Variants in KIFC3 observed in about 807,000 individuals in gnomAD.
The protein encoded by KIFC3 is kinesin-like protein KIFC3.
In KIFC3, 60 loss-of-function variants were observed where a neutral mutation model predicts 101.8. That is an observed-to-expected ratio of 0.59 (90% CI 0.48 to 0.73). KIFC3 has a LOEUF of 0.73. Ranked by LOEUF, KIFC3 falls within the 30% of genes least tolerant of loss-of-function variation. The pLI is 0.00. For missense variants in KIFC3, 966 were observed against 1,137.1 expected, an observed-to-expected ratio of 0.85 and a Z score of 2.16; for synonymous variants, 476 against 482.7, an observed-to-expected ratio of 0.99 and a Z score of 0.18.
At chr16:57,802,685 C>T, upstream of KIFC3, 3 of 922,310 alleles carry the variant, frequency 3.3e-6, no homozygotes, top group South Asian at 5.5e-5. This position sits in a 1 kb window ranked among gnomAD's most constrained non-coding sequence, Gnocchi z 5.0. Context: ...CGCGGGGCCT[C>T]CCACTCGGTC....
chr16:57,764,338 T>C (rs782796244), intron 11 of KIFC3, 91 bp from the exon 12 acceptor site: 9 of 721,926 alleles, frequency 1.2e-5, no homozygotes, highest in Non-Finnish European at 2.2e-5. Context: ...CCAACCATGC[T>C]GTCCTTCAGC....
intron 2 of KIFC3, chr16:57,797,834 G>A (rs2054461952): frequency 4.2e-6 from 6 of 1,433,382 alleles, no homozygotes; most frequent in Admixed American, 2.9e-5. Context: ...TGCCCGACCC[G>A]TGTTAAAGTT....
rs1202948015 is a variant in KIFC3 at position 57,775,863 on chromosome 16, G to A, written c.316-3575C>T. On this transcript the variant is annotated intron_variant, in intron 3 of 19. Coordinates refer to ENST00000445690, the MANE Select transcript of KIFC3 (RefSeq NM_001130100.2). Reference sequence around the variant, plus strand: ...AGGACGGACCAGGCTGGGGCTGTGCGACACTCCTCCCGGGCCCAGGCTCCT... The same window carrying A: ...AGGACGGACCAGGCTGGGGCTGTGCAACACTCCTCCCGGGCCCAGGCTCCT... The A allele has an allele frequency of 5.1e-6, 5 of 985,446 alleles. No homozygotes were observed. The African/African-American group carries it at 5.2e-5, about 10-fold the overall frequency. The allele number at this position is 985,446 out of a possible 1,614,324, so 61.0% of individuals were successfully genotyped here.
intron 1 of KIFC3, among the ~76,000 whole-genome samples, chr16:57,842,237 G>A (rs954749669): frequency 1.9e-4 from 29 of 152,224 alleles, no homozygotes; most frequent in African/African-American, 6.5e-4. Flanking sequence ...GCTTCTTAGC[G>A]CTGTCTGAAA....
In KIFC3 at chr16:57,776,403, C is replaced by T. The variant is rs553718816; in HGVS notation, c.316-4115G>A. 2.1e-4 allele frequency: 204 copies of T among 984,692 alleles called. 1 individual carries two copies. The Middle Eastern group carries it at 5.2e-3, about 25-fold the overall frequency. The allele number at this position is 984,692 out of a possible 1,614,324, so 61.0% of individuals were successfully genotyped here. A position where few individuals can be genotyped will look rare whatever the true frequency, so the allele number is the denominator to read the frequency against. On this transcript the variant is annotated intron_variant, in intron 3 of 19. Coordinates refer to ENST00000445690, the MANE Select transcript of KIFC3 (RefSeq NM_001130100.2). ...CCAAGTCTTCACCTCTGGGTCCTTC[C>T]GCCACTGATGGGCAGTAATAGCAGC...
chr16:57,838,199 T>A (rs1313181094), intron 1 of KIFC3, among the ~76,000 whole-genome samples: 1 of 152,148 alleles, frequency 6.6e-6, no homozygotes. Context: ...ACAAGCAGCT[T>A]CCCAAGCCTC....
chr16:57,808,391 A>G (rs948397122), intron 1 of KIFC3, among the ~76,000 whole-genome samples: 11 of 151,378 alleles, frequency 7.3e-5, no homozygotes, highest in South Asian at 2.1e-4. Context: ...CTCCTTGCTA[A>G]GTGTTCTGCC....
rs2051225623 is a variant in KIFC3 at position 57,771,626 on chromosome 16, G to A, written c.442C>T (p.Gln148Ter). 1.2e-6 allele frequency: 2 copies of A among 1,613,168 alleles called. No homozygotes were observed. Among genetic ancestry groups the A allele is most frequent in the Non-Finnish European group, 1.7e-6 (2 of 1,179,956 alleles). The change falls in exon 5 of 20, where the codon CAG (glutamine) becomes TAG (stop). Residue 148 changes from glutamine to a stop codon, truncating the protein, a stop_gained. Coordinates refer to ENST00000445690, the MANE Select transcript of KIFC3 (RefSeq NM_001130100.2). LOFTEE classifies it high-confidence loss of function. The stretch of plus-strand genomic sequence containing the variant: ...TCGGCCTCACAGCGCCGCATCTCCT[G>A]CCTCAGTCGCTCATTCTCCACCATC... The part of the protein sequence containing the change: ...LLMVENERLR[Q>*]EMRRCEAELQ...
At position 57,770,069 on chromosome 16, in the gene KIFC3, C is replaced by T. The variant is rs536958808; in HGVS notation, c.940-114G>A. 1,172 of 1,225,028 alleles carry T rather than the reference C, an allele frequency of 9.6e-4. 5 individuals are homozygous for T. Among genetic ancestry groups the T allele is most frequent in the Non-Finnish European group, 1.1e-3 (991 of 885,450 alleles). The allele number at this position is 1,225,028 out of a possible 1,614,324, so 75.9% of individuals were successfully genotyped here. On this transcript the variant is annotated intron_variant, in intron 7 of 19. Coordinates refer to ENST00000445690, the MANE Select transcript of KIFC3 (RefSeq NM_001130100.2). ...ATGCACATGAACACACATGCACACACACATGTGCACACCCAGAGGGGCAGA... is the reference window on the plus strand; with the variant it reads ...ATGCACATGAACACACATGCACACATACATGTGCACACCCAGAGGGGCAGA...
Position 57,758,510 on chromosome 16 carries a change from T to G in KIFC3, c.*424A>C, listed in dbSNP as rs1555590516. The G allele has an allele frequency of 6.2e-6, 3 of 483,534 alleles. No homozygotes were observed. Among genetic ancestry groups the G allele is most frequent in the Non-Finnish European group, 1.2e-5 (3 of 257,196 alleles). 30.0% of individuals were successfully genotyped at this position (483,534 alleles called of 1,614,324 possible). ...AACCCACCCCAGTCCCCATGGTTCT[T>G]GGGTCTGCCCAGAGGCTCCTCGCCC... On this transcript the variant is annotated 3_prime_UTR_variant, in exon 20 of 20. Coordinates refer to ENST00000445690, the MANE Select transcript of KIFC3 (RefSeq NM_001130100.2).
chr16:57,759,512 C>G (rs1326436710), intron 18 of KIFC3: 2 of 581,722 alleles, frequency 3.4e-6, no homozygotes, highest in Non-Finnish European at 6.1e-6. Flanking sequence ...ACACTGCCCC[C>G]TTCCCACAGA....
At chr16:57,797,669 A>G in intron 2 of KIFC3, 1 of 1,114,974 alleles carries the variant, frequency 9.0e-7, no homozygotes, top group Non-Finnish European at 1.1e-6. Context: ...ATCAAGTGTC[A>G]GCGGCGCTTG....
chr16:57,799,919 G>A (rs569200311), intron 1 of KIFC3, among the ~76,000 whole-genome samples: 1 of 152,274 alleles, frequency 6.6e-6, no homozygotes, highest in Admixed American at 6.5e-5. Flanking sequence ...CCTGTGGAGG[G>A]AGAAGGGCAG....
At chr16:57,801,094 T>G (rs1170335920) in intron 1 of KIFC3, among the ~76,000 whole-genome samples, 1 of 152,208 alleles carries the variant, frequency 6.6e-6, no homozygotes, top group Non-Finnish European at 1.5e-5. Context: ...CTCCAAAATT[T>G]TATTTTTCAG....
intron 3 of KIFC3, among the ~76,000 whole-genome samples, chr16:57,781,040 G>A (rs187294423): frequency 3.8e-4 from 58 of 152,146 alleles, no homozygotes; most frequent in Admixed American, 1.2e-3. Context: ...CGTGAGTGCC[G>A]GTCACAGTGG....
chr16:57,814,834 C>G (rs1380491053), intron 1 of KIFC3, among the ~76,000 whole-genome samples: 3 of 152,130 alleles, frequency 2.0e-5, no homozygotes, highest in African/African-American at 7.2e-5. Flanking sequence ...GTTGCCCAGG[C>G]TGATCTTGAA....
At chr16:57,808,296 A>G (rs1275299364) in intron 1 of KIFC3, among the ~76,000 whole-genome samples, 1 of 152,172 alleles carries the variant, frequency 6.6e-6, no homozygotes, top group Non-Finnish European at 1.5e-5. Flanking sequence ...CCGCCCTGAG[A>G]GTAGCACGGG....
intron 1 of KIFC3, 112 bp from the exon 2 acceptor site, chr16:57,798,394 C>A: frequency 1.1e-6 from 1 of 933,376 alleles, no homozygotes; most frequent in Non-Finnish European, 1.7e-6. Flanking sequence ...GCTGGTTACC[C>A]AGCGCAGCAG....
At chr16:57,806,750 G>GAA (rs763482327), upstream of KIFC3, among the ~76,000 whole-genome samples, 11 of 152,250 alleles carry the variant, frequency 7.2e-5, no homozygotes, top group Non-Finnish European at 1.5e-4. Context: ...CTGCAGCTGT[G>GAA]AAAAGTGTGT....
Sources: gnomAD v4.1 joint callset for allele counts (sites outside exome capture counted in the v4.1 genomes callset) on GRCh38, gnomAD v4.1.1 for gene constraint, Gnocchi (gnomAD v3.1) non-coding constraint, MANE v1.5 for transcripts, NCBI Gene and HGNC (gene_info 2026-07-23, HGNC 2026-07-21) for gene names.